Variants in MAF observed in about 807,000 individuals in gnomAD.
The protein encoded by MAF is MAF bZIP transcription factor, also known as transcription factor Maf.
In MAF, 10 loss-of-function variants were observed where a neutral mutation model predicts 22.0. The ratio of observed to expected loss-of-function variants is 0.45; its 90% CI spans 0.28 to 0.77. MAF has a LOEUF of 0.77. MAF is among the 30% of genes least tolerant of loss of function. The probability of loss-of-function intolerance (pLI) is 0.12; values close to 1 mark genes in which losing one functional copy is unlikely to be tolerated. For synonymous variants in MAF, 337 were observed against 255.8 expected, an observed-to-expected ratio of 1.32 and a Z score of -3.03; for missense variants, 544 against 548.4, an observed-to-expected ratio of 0.99 and a Z score of 0.08.
the MAF span, among the ~76,000 whole-genome samples, chr16:79,260,394 C>T: frequency 5.3e-5 from 8 of 152,180 alleles, no homozygotes; most frequent in African/African-American, 1.9e-4. Context: ...TCCAGTGATT[C>T]TCCTGCCTTG....
the MAF span, among the ~76,000 whole-genome samples, chr16:79,445,840 A>T: frequency 6.6e-6 from 1 of 152,234 alleles, no homozygotes; most frequent in South Asian, 2.1e-4. Context: ...TATAGATGTT[A>T]TTTCAAACCA....
At chr16:79,476,617 G>A in the MAF span, among the ~76,000 whole-genome samples, 5 of 152,146 alleles carry the variant, frequency 3.3e-5, no homozygotes, top group African/African-American at 1.2e-4. Context: ...CCAAATGAGA[G>A]GGAAAGGAGG....
At chr16:79,552,644 G>A in the MAF span, among the ~76,000 whole-genome samples, 59 of 152,152 alleles carry the variant, frequency 3.9e-4, no homozygotes, top group South Asian at 2.3e-3. Context: ...TGGGCCCCTC[G>A]GTGTTCAGGA....
chr16:79,292,646 A>G, the MAF span, among the ~76,000 whole-genome samples: 70 of 152,258 alleles, frequency 4.6e-4, no homozygotes, highest in Non-Finnish European at 8.1e-4. Context: ...GTTGAGACCT[A>G]TGGGGCTGCA....
At chr16:79,208,920 G>A in the MAF span, among the ~76,000 whole-genome samples, 1 of 152,230 alleles carries the variant, frequency 6.6e-6, no homozygotes, top group African/African-American at 2.4e-5. Flanking sequence ...AGCAAGGGAG[G>A]AAAGTAGAGT....
chr16:79,241,422 C>T, the MAF span, among the ~76,000 whole-genome samples: 1 of 151,970 alleles, frequency 6.6e-6, no homozygotes, highest in Non-Finnish European at 1.5e-5. Context: ...CTGAATTGAT[C>T]AGACAGAAGA....
At chr16:79,440,143 G>A in the MAF span, among the ~76,000 whole-genome samples, 1 of 152,180 alleles carries the variant, frequency 6.6e-6, no homozygotes, top group Admixed American at 6.5e-5. Context: ...CTACCACCTG[G>A]ATGCAGGAAG....
the MAF span, among the ~76,000 whole-genome samples, chr16:79,484,696 G>T: frequency 6.6e-6 from 1 of 152,242 alleles, no homozygotes; most frequent in Admixed American, 6.5e-5. Flanking sequence ...AAAAGGGCCA[G>T]GGTGGGAGCT....
chr16:79,444,947 G>A, the MAF span, among the ~76,000 whole-genome samples: 9 of 152,162 alleles, frequency 5.9e-5, no homozygotes, highest in South Asian at 8.3e-4. Flanking sequence ...AGCCTGCTAC[G>A]TGTATGTGAG....
the MAF span, among the ~76,000 whole-genome samples, chr16:79,420,733 A>G: frequency 6.6e-6 from 1 of 152,218 alleles, no homozygotes; most frequent in African/African-American, 2.4e-5. Flanking sequence ...ACTGCAGTAC[A>G]ATAAGATATT....
At chr16:79,596,934 G>A (rs1161739462) in intron 1 of MAF, 47 of 1,049,002 alleles carry the variant, frequency 4.5e-5, no homozygotes, top group Non-Finnish European at 5.4e-5. Context: ...GTGCAATTCA[G>A]TCCCAAATAC....
At chr16:79,562,309 T>G in the MAF span, among the ~76,000 whole-genome samples, 2 of 152,184 alleles carry the variant, frequency 1.3e-5, no homozygotes, top group African/African-American at 4.8e-5. Context: ...CAAGGTTTGT[T>G]TTGTTCCCAT....
chr16:79,387,583 G>A, the MAF span, among the ~76,000 whole-genome samples: 2 of 152,302 alleles, frequency 1.3e-5, no homozygotes, highest in Admixed American at 6.5e-5. Context: ...GAGGCTGTGA[G>A]TGTGTATATG....
chr16:79,236,267 T>C, the MAF span, among the ~76,000 whole-genome samples: 2 of 152,228 alleles, frequency 1.3e-5, no homozygotes, highest in African/African-American at 4.8e-5. Context: ...TCCTGGTTAA[T>C]GTTGGTGTTT....
At chr16:79,283,767 G>A in the MAF span, among the ~76,000 whole-genome samples, 1 of 152,044 alleles carries the variant, frequency 6.6e-6, no homozygotes, top group Admixed American at 6.6e-5. Flanking sequence ...AGCACAGGCC[G>A]CACAGAACCT....
At chr16:79,493,630 T>G in the MAF span, among the ~76,000 whole-genome samples, 1 of 152,358 alleles carries the variant, frequency 6.6e-6, no homozygotes, top group South Asian at 2.1e-4. Flanking sequence ...CATGGAAGTT[T>G]TCACAAAATG....
chr16:79,596,583 T>G, intron 1 of MAF: 1 of 1,046,000 alleles, frequency 9.6e-7, no homozygotes, highest in Non-Finnish European at 1.2e-6. Context: ...GGTTAGTTAG[T>G]AACTCAAGAT....
chr16:79,218,360 A>G, the MAF span, among the ~76,000 whole-genome samples: 1 of 152,048 alleles, frequency 6.6e-6, no homozygotes, highest in Non-Finnish European at 1.5e-5. Context: ...CATTTAGGTT[A>G]TTTCTAGTTT....
At chr16:79,491,553 T>A in the MAF span, among the ~76,000 whole-genome samples, 108,391 of 151,968 alleles carry the variant, frequency 0.71, 41,062 homozygotes, top group East Asian at 0.87. Flanking sequence ...AGGTAGAACC[T>A]TGGTTTCTAA....
Sources: allele counts gnomAD v4.1 joint callset (sites outside exome capture counted in the v4.1 genomes callset), GRCh38; gene constraint gnomAD v4.1.1; transcripts MANE v1.5; gene names NCBI Gene and HGNC (gene_info 2026-07-23, HGNC 2026-07-21).